Variants in CRPPA observed in about 807,000 individuals in gnomAD.
CRPPA encodes CDP-L-ribitol pyrophosphorylase A.
A neutral mutation model predicts 52.0 loss-of-function variants in CRPPA; 43 were observed. That is an observed-to-expected ratio of 0.83 (90% confidence interval 0.65 to 1.07). The LOEUF (loss-of-function observed/expected upper bound fraction) is 1.07. Among genes scored for constraint, CRPPA ranks in the 50% least tolerant of loss-of-function variants. The probability of loss-of-function intolerance (pLI) is 0.00; values close to 1 mark genes in which losing one functional copy is unlikely to be tolerated. For missense variants in CRPPA, 629 were observed against 551.7 expected (o/e 1.14, Z -1.40); for synonymous variants, 250 against 203.5 (o/e 1.23, Z -1.94).
chr7:16,227,650 A>G (rs1269060783), intron 8 of CRPPA, among the ~76,000 whole-genome samples: 1 of 151,652 alleles, frequency 6.6e-6, no homozygotes, highest in Admixed American at 6.6e-5. Context: ...TTTGCATATG[A>G]GATGTATGTA....
chr7:16,354,142 G>A (rs1044844858), intron 3 of CRPPA, among the ~76,000 whole-genome samples: 2 of 152,206 alleles, frequency 1.3e-5, no homozygotes, highest in African/African-American at 4.8e-5. Flanking sequence ...AGGTCACATT[G>A]TAAGGACACA....
intron 8 of CRPPA, among the ~76,000 whole-genome samples, chr7:16,251,901 GA>G (rs1783463413): frequency 6.6e-6 from 1 of 152,064 alleles, no homozygotes; most frequent in Non-Finnish European, 1.5e-5. Flanking sequence ...AGGAGATAGA[GA>G]CACAGAAAAC....
intron 3 of CRPPA, among the ~76,000 whole-genome samples, chr7:16,330,947 T>A (rs542503403): frequency 5.0e-4 from 76 of 152,270 alleles, no homozygotes; most frequent in Admixed American, 1.4e-3. Flanking sequence ...ACTCTAGCTA[T>A]CCTGTCCCAT....
chr7:16,299,216 C>G (rs1310978308), intron 5 of CRPPA, among the ~76,000 whole-genome samples: 1 of 152,124 alleles, frequency 6.6e-6, no homozygotes, highest in East Asian at 1.9e-4. Flanking sequence ...AGAGTTCTCT[C>G]TTTCCTATGC....
intron 3 of CRPPA, among the ~76,000 whole-genome samples, chr7:16,309,616 T>G (rs1360527325): frequency 6.7e-6 from 1 of 149,378 alleles, no homozygotes; most frequent in Non-Finnish European, 1.5e-5. Context: ...TTTTTTCTTC[T>G]TTTTTTTTTG....
chr7:16,399,853 C>T (rs1230447059), intron 2 of CRPPA, among the ~76,000 whole-genome samples: 2 of 152,018 alleles, frequency 1.3e-5, no homozygotes, highest in African/African-American at 2.4e-5. Context: ...TGACAGACAC[C>T]TGATTGACAC....
At chr7:16,414,657 T>G (rs1234391187) in intron 1 of CRPPA, among the ~76,000 whole-genome samples, 1 of 152,218 alleles carries the variant, frequency 6.6e-6, no homozygotes. Context: ...ATCTAAGTGA[T>G]TAGTACCCCT....
intron 9 of CRPPA, among the ~76,000 whole-genome samples, chr7:16,187,100 A>T (rs889082532): frequency 1.3e-5 from 2 of 152,182 alleles, no homozygotes; most frequent in African/African-American, 4.8e-5. Flanking sequence ...ATGAAAAAGA[A>T]AATATTTTTA....
intron 9 of CRPPA, among the ~76,000 whole-genome samples, chr7:16,096,213 T>C (rs760299145): frequency 6.6e-6 from 1 of 152,052 alleles, no homozygotes; most frequent in Non-Finnish European, 1.5e-5. Flanking sequence ...TTTTATAATG[T>C]TTTGCACTCA....
chr7:16,166,343 G>C (rs1440307400), intron 9 of CRPPA, among the ~76,000 whole-genome samples: 1 of 151,868 alleles, frequency 6.6e-6, no homozygotes, highest in Non-Finnish European at 1.5e-5. Context: ...GCAGTGGCAT[G>C]ATCTCAGCTC....
rs1562608509 is a variant in CRPPA, at chr7:16,286,064, T to TTTAAA, written c.836-7839_836-7838insTTTAA. On this transcript the variant is annotated intron_variant, in intron 5 of 9. Coordinates refer to ENST00000407010, the MANE Select transcript of CRPPA (RefSeq NM_001101426.4). ...ATATAAATATATATATATATATATA[T>TTTAAA]ATATATATATATATATAATATTTAA... 1.2e-3 allele frequency among the ~76,000 whole-genome samples: 35 copies of TTTAAA among 29,766 alleles called. 1 individual carries two copies. Among genetic ancestry groups the TTTAAA allele is most frequent in the African/African-American group, 6.8e-3 (33 of 4,834 alleles). The allele number at this position is 29,766 out of a possible 152,430, so 19.5% of individuals were successfully genotyped here. A position where few individuals can be genotyped will look rare whatever the true frequency, so the allele number is the denominator to read the frequency against.
At chr7:16,332,578 G>C (rs1785577396) in intron 3 of CRPPA, among the ~76,000 whole-genome samples, 1 of 152,034 alleles carries the variant, frequency 6.6e-6, no homozygotes. Flanking sequence ...AGTGTTATTT[G>C]AAAATAGAAT....
At chr7:16,370,660 C>T (rs963157364) in intron 3 of CRPPA, among the ~76,000 whole-genome samples, 3 of 152,152 alleles carry the variant, frequency 2.0e-5, no homozygotes, top group African/African-American at 4.8e-5. Context: ...AAGTTTCTTA[C>T]AGCAGAGACA....
chr7:16,269,186 T>C (rs1336927376), intron 6 of CRPPA: 2 of 152,062 alleles, frequency 1.3e-5, no homozygotes, highest in African/African-American at 4.8e-5. Flanking sequence ...TCCACAGCAC[T>C]GTGTGAGGGA....
chr7:16,414,941 T>C (rs1033520095), intron 1 of CRPPA, among the ~76,000 whole-genome samples: 3 of 152,202 alleles, frequency 2.0e-5, no homozygotes, highest in African/African-American at 7.2e-5. Flanking sequence ...CATTCATGTA[T>C]ACTAATACAT....
At chr7:16,247,493 A>G (rs2128408529) in intron 8 of CRPPA, among the ~76,000 whole-genome samples, 1 of 152,342 alleles carries the variant, frequency 6.6e-6, no homozygotes, top group East Asian at 1.9e-4. Context: ...CCTTATACAG[A>G]TATGATTTGC....
intron 9 of CRPPA, among the ~76,000 whole-genome samples, chr7:16,157,183 A>ATT (rs71007748): frequency 0.013 from 1,923 of 142,616 alleles, 15 homozygotes; most frequent in Non-Finnish European, 0.015. Flanking sequence ...AAATGCTGCA[A>ATT]TTTTTTTTTT....
intron 1 of CRPPA, among the ~76,000 whole-genome samples, chr7:16,417,375 C>T (rs1562694453): frequency 6.6e-6 from 1 of 152,226 alleles, no homozygotes; most frequent in Non-Finnish European, 1.5e-5. Flanking sequence ...CAATAGCAAA[C>T]ACAGGGAATC....
At chr7:16,327,082 T>A (rs1548568) in intron 3 of CRPPA, among the ~76,000 whole-genome samples, 68,391 of 151,942 alleles carry the variant, frequency 0.45, 15,658 homozygotes, top group South Asian at 0.59. Context: ...TTGTTCTATT[T>A]TTCCCCAGGA....
Sources: allele counts gnomAD v4.1 joint callset (sites outside exome capture counted in the v4.1 genomes callset), GRCh38; gene constraint gnomAD v4.1.1; transcripts MANE v1.5; gene names NCBI Gene and HGNC (gene_info 2026-07-23, HGNC 2026-07-21).